SLC4A4: variants seen among roughly 807,000 people sequenced by gnomAD.
SLC4A4 encodes electrogenic sodium bicarbonate cotransporter 1.
In SLC4A4, 27 loss-of-function variants were observed where a neutral mutation model predicts 111.5. That is an observed-to-expected ratio of 0.24 (90% CI 0.18 to 0.33). The LOEUF (loss-of-function observed/expected upper bound fraction) is 0.33. Ranked by LOEUF, SLC4A4 falls within the 10% of genes least tolerant of loss-of-function variation. The pLI, the probability that SLC4A4 is intolerant of heterozygous loss-of-function variation, is 1.00. For synonymous variants in SLC4A4, 443 were observed against 463.4 expected, an observed-to-expected ratio of 0.96 and a Z score of 0.57; for missense variants, 909 against 1,315.5, an observed-to-expected ratio of 0.69 and a Z score of 4.78.
chr4:71,436,197 G>T (rs888938546), intron 7 of SLC4A4, among the ~76,000 whole-genome samples: 8 of 152,222 alleles, frequency 5.3e-5, no homozygotes, highest in Admixed American at 2.0e-4. Context: ...AGAAAATGTG[G>T]CATATATACA....
chr4:71,180,738 T>C (rs557608000), intron 2 of SLC4A4, among the ~76,000 whole-genome samples: 133 of 152,254 alleles, frequency 8.7e-4, no homozygotes, highest in Non-Finnish European at 1.5e-3. Flanking sequence ...GGGAACACTT[T>C]TACACTGTTG....
chr4:71,536,972 T>TTATATG (rs773463333), intron 18 of SLC4A4, among the ~76,000 whole-genome samples: 75 of 151,888 alleles, frequency 4.9e-4, no homozygotes, highest in Middle Eastern at 3.4e-3. Context: ...ATATCCTTTC[T>TTATATG]TATATGTATA....
chr4:71,233,363 A>G, intron 1 of SLC4A4: 11 of 959,176 alleles, frequency 1.1e-5, no homozygotes, highest in Non-Finnish European at 1.2e-5. Context: ...TCATGACCAA[A>G]GTGCTTTTTA....
chr4:71,262,613 G>A (rs1721944053), intron 3 of SLC4A4, among the ~76,000 whole-genome samples: 1 of 152,076 alleles, frequency 6.6e-6, no homozygotes, highest in African/African-American at 2.4e-5. Flanking sequence ...CACTTCCTTT[G>A]AATTCCTAAG....
At chr4:71,390,661 T>A (rs887322032) in intron 6 of SLC4A4, among the ~76,000 whole-genome samples, 1 of 152,180 alleles carries the variant, frequency 6.6e-6, no homozygotes, top group African/African-American at 2.4e-5. Flanking sequence ...TCTGTAGTGA[T>A]GTTATTCTGC....
chr4:71,316,099 A>G (rs1726654882), intron 3 of SLC4A4, among the ~76,000 whole-genome samples: 1 of 152,186 alleles, frequency 6.6e-6, no homozygotes, highest in Non-Finnish European at 1.5e-5. Context: ...AACAAAAGTT[A>G]TGGTTATTAA....
chr4:71,272,925 A>G (rs1454321970), intron 3 of SLC4A4, among the ~76,000 whole-genome samples: 2 of 152,200 alleles, frequency 1.3e-5, no homozygotes, highest in Non-Finnish European at 2.9e-5. Flanking sequence ...TTAGTTTAGA[A>G]TGGTTAATTT....
intron 7 of SLC4A4, among the ~76,000 whole-genome samples, chr4:71,412,844 T>C (rs1418167617): frequency 6.6e-6 from 1 of 152,222 alleles, no homozygotes; most frequent in African/African-American, 2.4e-5. Flanking sequence ...ATGTGTTCAC[T>C]GGGTGGGGTA....
At chr4:71,421,450 A>C (rs1436607548) in intron 7 of SLC4A4, among the ~76,000 whole-genome samples, 1 of 152,204 alleles carries the variant, frequency 6.6e-6, no homozygotes, top group African/African-American at 2.4e-5. Flanking sequence ...TAACAAGGAT[A>C]TCCAGGAATT....
At chr4:71,293,419 T>C (rs1050397272) in intron 3 of SLC4A4, among the ~76,000 whole-genome samples, 1 of 151,524 alleles carries the variant, frequency 6.6e-6, no homozygotes, top group Admixed American at 6.6e-5. Flanking sequence ...CAAAATTAGC[T>C]GGGTGTGGTG....
At chr4:71,208,636 A>T (rs1717940785) in intron 1 of SLC4A4, among the ~76,000 whole-genome samples, 1 of 151,876 alleles carries the variant, frequency 6.6e-6, no homozygotes, top group African/African-American at 2.4e-5. Flanking sequence ...AAAATCTCAT[A>T]ATCTCATTTA....
At chr4:71,388,555 T>C (rs1718976193) in intron 6 of SLC4A4, among the ~76,000 whole-genome samples, 1 of 152,148 alleles carries the variant, frequency 6.6e-6, no homozygotes, top group African/African-American at 2.4e-5. Context: ...CATTCATTCA[T>C]TCATTCATGT....
At chr4:71,290,639 A>T (rs2149101603) in intron 3 of SLC4A4, among the ~76,000 whole-genome samples, 1 of 152,356 alleles carries the variant, frequency 6.6e-6, no homozygotes, top group Non-Finnish European at 1.5e-5. Context: ...TTTAGCACAT[A>T]TGACTGGGTA....
At chr4:71,232,495 T>C (rs1719499788) in intron 1 of SLC4A4, among the ~76,000 whole-genome samples, 2 of 152,190 alleles carry the variant, frequency 1.3e-5, no homozygotes, top group African/African-American at 4.8e-5. Context: ...CACTGAAGTC[T>C]TGAACTTCTG....
At chr4:71,320,341 A>G (rs1727023565) in intron 3 of SLC4A4, among the ~76,000 whole-genome samples, 1 of 151,994 alleles carries the variant, frequency 6.6e-6, no homozygotes, top group Non-Finnish European at 1.5e-5. Context: ...TGGTCCCTTC[A>G]GATTTGCTGT....
At chr4:71,213,007 G>C (rs980704041) in intron 1 of SLC4A4, among the ~76,000 whole-genome samples, 4 of 152,290 alleles carry the variant, frequency 2.6e-5, no homozygotes, top group Middle Eastern at 6.8e-3. Flanking sequence ...ACAGTATTCA[G>C]TACAGTCATG....
intron 1 of SLC4A4, among the ~76,000 whole-genome samples, chr4:71,214,513 A>T (rs1718310171): frequency 6.6e-6 from 1 of 151,606 alleles, no homozygotes; most frequent in South Asian, 2.1e-4. Context: ...TCCCGCCACC[A>T]CTCGTACCCT....
chr4:71,189,331 G>A (rs1304274370), intron 1 of SLC4A4, among the ~76,000 whole-genome samples: 1 of 152,112 alleles, frequency 6.6e-6, no homozygotes, highest in African/African-American at 2.4e-5. Context: ...TTTAGTTCAC[G>A]TAGTCAATAT....
intron 1 of SLC4A4, among the ~76,000 whole-genome samples, chr4:71,088,559 T>C (rs1742269588): frequency 6.6e-6 from 1 of 152,056 alleles, no homozygotes; most frequent in African/African-American, 2.4e-5. Context: ...TTCCTTTCCA[T>C]GTTTAGTGCT....
Sources: gnomAD v4.1 joint callset for allele counts (sites outside exome capture counted in the v4.1 genomes callset) on GRCh38, gnomAD v4.1.1 for gene constraint, MANE v1.5 for transcripts, NCBI Gene and HGNC (gene_info 2026-07-23, HGNC 2026-07-21) for gene names.